TMEM163: variants seen among roughly 807,000 people sequenced by gnomAD.
TMEM163 encodes transmembrane protein 163.
In TMEM163, 17 loss-of-function variants were observed where a neutral mutation model predicts 29.3. The observed-to-expected ratio is 0.58, with a 90% CI of 0.40 to 0.87. TMEM163 has a LOEUF of 0.87. Among genes scored for constraint, TMEM163 ranks in the 40% least tolerant of loss-of-function variants. TMEM163 has a pLI of 0.00. For missense variants in TMEM163, 303 were observed against 381.5 expected, an observed-to-expected ratio of 0.79 and a Z score of 1.71; for synonymous variants, 157 against 160.6, an observed-to-expected ratio of 0.98 and a Z score of 0.17.
intron 1 of TMEM163, among the ~76,000 whole-genome samples, chr2:134,718,274 G>A (rs942577589): frequency 6.6e-6 from 1 of 152,096 alleles, no homozygotes; most frequent in Non-Finnish European, 1.5e-5. Flanking sequence ...GGGACATCTC[G>A]CGGCTACACC....
At chr2:134,541,425 G>A (rs576542617) in intron 4 of TMEM163, among the ~76,000 whole-genome samples, 117 of 152,278 alleles carry the variant, frequency 7.7e-4, no homozygotes, top group African/African-American at 2.6e-3. Context: ...GACACTGGTC[G>A]TCAAAATTAT....
At chr2:134,564,097 A>C (rs1681241956) in intron 2 of TMEM163, among the ~76,000 whole-genome samples, 1 of 152,160 alleles carries the variant, frequency 6.6e-6, no homozygotes, top group African/African-American at 2.4e-5. Context: ...AGCCAAGACA[A>C]CCGTTAACAA....
At position 134,718,961 on chromosome 2, in the gene TMEM163, C is replaced by T. The variant is rs549473525; in HGVS notation, c.-26G>A. Reference sequence around the variant, plus strand: ...GGCGCGGGGCTGCGGATCCCGGCGGCGGCGACGACAAGCGCGGCGGGGACT... The same window carrying T: ...GGCGCGGGGCTGCGGATCCCGGCGGTGGCGACGACAAGCGCGGCGGGGACT... On this transcript the variant is annotated 5_prime_UTR_variant, in exon 1 of 8. Coordinates refer to ENST00000281924, the MANE Select transcript of TMEM163 (RefSeq NM_030923.5). 265 of 1,026,336 alleles carry T rather than the reference C, an allele frequency of 2.6e-4. No homozygotes were observed. In the African/African-American group the frequency reaches 3.6e-3, roughly 14 times the overall value. The allele number at this position is 1,026,336 out of a possible 1,614,324, so 63.6% of individuals were successfully genotyped here. A position where few individuals can be genotyped will look rare whatever the true frequency, so the allele number is the denominator to read the frequency against.
At chr2:134,706,009 A>T (rs1447386960) in intron 2 of TMEM163, among the ~76,000 whole-genome samples, 1 of 152,112 alleles carries the variant, frequency 6.6e-6, no homozygotes, top group Non-Finnish European at 1.5e-5. Context: ...CTTCCAATTA[A>T]ACGCTGTGTG....
chr2:134,556,860 T>C (rs1574235232), intron 2 of TMEM163, among the ~76,000 whole-genome samples: 1 of 152,214 alleles, frequency 6.6e-6, no homozygotes, highest in East Asian at 1.9e-4. Flanking sequence ...TTAATGTTTC[T>C]ATTAGCATAT....
intron 2 of TMEM163, among the ~76,000 whole-genome samples, chr2:134,649,279 T>C (rs557698759): frequency 2.0e-5 from 3 of 152,260 alleles, no homozygotes; most frequent in African/African-American, 7.2e-5. Context: ...ACACTTGAAA[T>C]GTTCAATGTC....
chr2:134,506,830 G>A (rs1679835319), intron 4 of TMEM163, among the ~76,000 whole-genome samples: 1 of 152,202 alleles, frequency 6.6e-6, no homozygotes. Context: ...ACGGGTGGGG[G>A]CCAAAGGGTA....
chr2:134,548,470 A>T lies in TMEM163; in HGVS notation c.458+2100T>A, dbSNP rs77177025. ...AAAGATGACATGTTCTTCTGACACG[A>T]CAGTGGCTAGCTCCTGAAATCCGAG... On this transcript the variant is annotated intron_variant, in intron 4 of 7. Transcript: ENST00000281924. Among the ~76,000 whole-genome samples the T allele has an allele frequency of 5.6e-3, 858 of 152,332 alleles. 8 individuals are homozygous for T. Among genetic ancestry groups the T allele is most frequent in the African/African-American group, 0.019 (775 of 41,580 alleles).
intron 2 of TMEM163, among the ~76,000 whole-genome samples, chr2:134,592,386 A>G (rs1681956294): frequency 6.6e-6 from 1 of 152,192 alleles, no homozygotes; most frequent in African/African-American, 2.4e-5. Context: ...TTGCAAGGCC[A>G]TTTCAAAATA....
chr2:134,561,398 CAG>C, intron 2 of TMEM163, among the ~76,000 whole-genome samples: 1 of 150,042 alleles, frequency 6.7e-6, no homozygotes, highest in Non-Finnish European at 1.5e-5. Context: ...TTAGTGGAGA[CAG>C]GGTTTCACCG....
intron 2 of TMEM163, among the ~76,000 whole-genome samples, chr2:134,609,594 G>A (rs112951827): frequency 1.1e-4 from 10 of 89,924 alleles, no homozygotes; most frequent in Admixed American, 9.6e-4. Flanking sequence ...GACAGATCCC[G>A]AGAACTGTAC....
At chr2:134,542,823 C>T (rs1574222976) in intron 4 of TMEM163, among the ~76,000 whole-genome samples, 1 of 152,266 alleles carries the variant, frequency 6.6e-6, no homozygotes, top group East Asian at 1.9e-4. Context: ...TACAGGGAAG[C>T]TCCCTCTTCT....
chr2:134,716,741 AT>A (rs1183051555), intron 1 of TMEM163, among the ~76,000 whole-genome samples: 1 of 152,238 alleles, frequency 6.6e-6, no homozygotes, highest in African/African-American at 2.4e-5. Context: ...AAGAAAAAAA[AT>A]AACAGAAACA....
At chr2:134,484,293 T>C (rs1002620077) in intron 5 of TMEM163, among the ~76,000 whole-genome samples, 5 of 151,948 alleles carry the variant, frequency 3.3e-5, no homozygotes, top group Non-Finnish European at 7.4e-5. Context: ...AAACAGAAGA[T>C]CTTACAAGCT....
At chr2:134,639,164 A>G (rs532549688) in intron 2 of TMEM163, among the ~76,000 whole-genome samples, 1 of 152,342 alleles carries the variant, frequency 6.6e-6, no homozygotes, top group Admixed American at 6.5e-5. Context: ...CTAGAGCTGC[A>G]TTCCACCGAG....
intron 1 of TMEM163, among the ~76,000 whole-genome samples, chr2:134,718,344 T>C (rs1330271392): frequency 1.3e-5 from 2 of 152,146 alleles, no homozygotes; most frequent in African/African-American, 4.8e-5. Context: ...GAAAGGAGGA[T>C]GCAACGAGCC....
intron 4 of TMEM163, among the ~76,000 whole-genome samples, chr2:134,524,874 G>A (rs1417184385): frequency 6.7e-6 from 1 of 149,986 alleles, no homozygotes; most frequent in Admixed American, 6.6e-5. Context: ...TATTTCTTTG[G>A]GTATATACCC....
intron 4 of TMEM163, among the ~76,000 whole-genome samples, chr2:134,540,999 T>C (rs1236610406): frequency 6.6e-6 from 1 of 152,170 alleles, no homozygotes; most frequent in African/African-American, 2.4e-5. Context: ...GACAAGTCAA[T>C]AGACCAGTAC....
intron 4 of TMEM163, among the ~76,000 whole-genome samples, chr2:134,541,287 T>G (rs1680660360): frequency 6.6e-6 from 1 of 152,208 alleles, no homozygotes; most frequent in African/African-American, 2.4e-5. Context: ...ACTAAAGAAA[T>G]GCATGTTAAC....
Sources: gnomAD v4.1 joint callset for allele counts (sites outside exome capture counted in the v4.1 genomes callset) on GRCh38, gnomAD v4.1.1 for gene constraint, MANE v1.5 for transcripts, NCBI Gene and HGNC (gene_info 2026-07-23, HGNC 2026-07-21) for gene names.